The following KIF2A variants were observed in gnomAD, a reference collection of about 807,000 sequenced individuals.
KIF2A encodes the protein kinesin-like protein KIF2A.
A neutral mutation model predicts 100.2 loss-of-function variants in KIF2A; 22 were observed. That is an observed-to-expected ratio of 0.22 (90% CI 0.16 to 0.31). The LOEUF (loss-of-function observed/expected upper bound fraction) is 0.31. Ranked by LOEUF, KIF2A falls within the 10% of genes least tolerant of loss-of-function variation. KIF2A has a pLI of 1.00. For missense variants in KIF2A, 495 were observed against 898.7 expected, an observed-to-expected ratio of 0.55 and a Z score of 5.74; for synonymous variants, 268 against 285.9, an observed-to-expected ratio of 0.94 and a Z score of 0.63.
Position 62,350,089 on chromosome 5 carries a change from T to A in KIF2A, c.303T>A (p.Ile101=). The stretch of plus-strand genomic sequence containing the variant: ...AGAATCGACGGACTGTAGCTTCTAT[T>A]AAGAATGACCCTCCTTCAAGAGATA... The part of the protein sequence containing the change: ...IVKNRRTVAS[I]KNDPPSRDNR... The change falls in exon 4 of 21, where the codon ATT becomes ATA. Residue 101 remains isoleucine (I), a synonymous_variant. Coordinates refer to ENST00000407818, the MANE Select transcript of KIF2A (RefSeq NM_001098511.3). 6.3e-7 allele frequency: 1 copy of A among 1,590,020 alleles called. No homozygotes were observed. Among genetic ancestry groups the A allele is most frequent in the South Asian group, 1.2e-5 (1 of 85,984 alleles).
intron 1 of KIF2A, among the ~76,000 whole-genome samples, chr5:62,343,905 T>G (rs577383700): frequency 3.0e-4 from 46 of 152,342 alleles, no homozygotes; most frequent in Middle Eastern, 3.4e-3. Context: ...ATGCCTGGAC[T>G]TAAGACATAT....
intron 1 of KIF2A, among the ~76,000 whole-genome samples, chr5:62,338,923 G>C (rs538060679): frequency 4.5e-4 from 68 of 152,098 alleles, no homozygotes; most frequent in African/African-American, 1.6e-3. Flanking sequence ...ACAAAAACAG[G>C]CAAAACCTCA....
chr5:62,346,350 TCA>T (rs1580054205), intron 1 of KIF2A, among the ~76,000 whole-genome samples: 2 of 152,178 alleles, frequency 1.3e-5, no homozygotes, highest in African/African-American at 4.8e-5. Flanking sequence ...CTTTTTGGAA[TCA>T]CATTTCTTAA....
intron 1 of KIF2A, among the ~76,000 whole-genome samples, chr5:62,326,946 G>A (rs190955137): frequency 6.6e-4 from 101 of 152,270 alleles, no homozygotes; most frequent in African/African-American, 2.2e-3. Flanking sequence ...GCAGTGAGCC[G>A]AGATCCAGCC....
chr5:62,316,561 G>A (rs902500306), intron 1 of KIF2A, among the ~76,000 whole-genome samples: 5 of 152,172 alleles, frequency 3.3e-5, no homozygotes, highest in Admixed American at 2.0e-4. Flanking sequence ...AAATTATTCT[G>A]TATGATACTA....
chr5:62,363,601 G>GT (rs2111960190), intron 13 of KIF2A, 94 bp from the exon 14 acceptor site: 1 of 1,132,352 alleles, frequency 8.8e-7, no homozygotes, highest in East Asian at 2.4e-5. Context: ...CTAAATCGAT[G>GT]TTTTTGCTGC....
intron 19 of KIF2A, among the ~76,000 whole-genome samples, chr5:62,378,548 A>T (rs1160983681): frequency 6.6e-5 from 10 of 152,232 alleles, no homozygotes; most frequent in Non-Finnish European, 2.9e-5. Context: ...GCTCTAGGCC[A>T]TTCAAGAACC....
intron 19 of KIF2A, among the ~76,000 whole-genome samples, chr5:62,380,822 T>C (rs974561419): frequency 5.3e-5 from 8 of 152,108 alleles, no homozygotes; most frequent in Admixed American, 5.2e-4. Flanking sequence ...CTGGACCTGG[T>C]GTCTCAGGGC....
intron 1 of KIF2A, among the ~76,000 whole-genome samples, chr5:62,339,776 A>AAC (rs1254024929): frequency 5.3e-5 from 8 of 151,366 alleles, no homozygotes; most frequent in Non-Finnish European, 8.8e-5. Context: ...AAAAAAAAAA[A>AAC]ACACACAGGT....
At chr5:62,341,401 A>T (rs961827426) in intron 1 of KIF2A, among the ~76,000 whole-genome samples, 2 of 152,004 alleles carry the variant, frequency 1.3e-5, no homozygotes, top group Non-Finnish European at 2.9e-5. Flanking sequence ...CCTAGGCTCA[A>T]GCAATCCTCC....
chr5:62,378,676 G>C (rs1435413870), intron 19 of KIF2A, among the ~76,000 whole-genome samples: 2 of 152,300 alleles, frequency 1.3e-5, no homozygotes, highest in South Asian at 4.1e-4. Context: ...CCAGCACTGT[G>C]GGAGGCCCAG....
intron 1 of KIF2A, among the ~76,000 whole-genome samples, chr5:62,332,738 A>G (rs1746716885): frequency 6.6e-6 from 1 of 152,206 alleles, no homozygotes; most frequent in Admixed American, 6.5e-5. Context: ...AAATGTAACT[A>G]ACCACTGTGA....
At chr5:62,372,180 C>A (rs1228611637) in intron 16 of KIF2A, among the ~76,000 whole-genome samples, 1 of 151,968 alleles carries the variant, frequency 6.6e-6, no homozygotes, top group African/African-American at 2.4e-5. Context: ...AGTTAAACTT[C>A]TAGGAAGGAT....
intron 18 of KIF2A, 140 bp downstream of exon 18, chr5:62,373,977 CTGAG>C (rs1346415000): frequency 7.4e-6 from 5 of 675,910 alleles, no homozygotes; most frequent in South Asian, 5.6e-5. Flanking sequence ...ATTTGGGAGG[CTGAG>C]TGAGAGGACT....
Position 62,363,208 on chromosome 5 carries a change from T to C in KIF2A, c.1150T>C (p.Leu384=), listed in dbSNP as rs750618121. 4 of 1,611,018 alleles carry C rather than the reference T, an allele frequency of 2.5e-6. No individual in the cohort carries two copies. The South Asian group carries it at 4.4e-5, about 18-fold the overall frequency. The change falls in exon 13 of 21, where the codon TTA becomes CTA. Residue 384 remains leucine, a synonymous_variant. Coordinates refer to ENST00000407818, the MANE Select transcript of KIF2A (RefSeq NM_001098511.3). ...TGACTTGCTAAACAGGAAAACAAAA[T>C]TAAGAGTTCTAGAAGATGGAAAACA... The part of the protein sequence containing the change: ...VFDLLNRKTK[L]RVLEDGKQQV...
intron 1 of KIF2A, among the ~76,000 whole-genome samples, chr5:62,312,600 A>T (rs1036745266): frequency 6.6e-6 from 1 of 152,212 alleles, no homozygotes; most frequent in Non-Finnish European, 1.5e-5. Context: ...CCTTGGATAA[A>T]ACTAATTTTT....
chr5:62,339,799 T>A (rs1747191221), intron 1 of KIF2A, among the ~76,000 whole-genome samples: 1 of 151,166 alleles, frequency 6.6e-6, no homozygotes, highest in African/African-American at 2.4e-5. Flanking sequence ...TAAAATAGTG[T>A]TAATCCATGC....
At chr5:62,381,049 A>C in intron 19 of KIF2A, 69 bp from the exon 20 acceptor site, 4 of 1,148,118 alleles carry the variant, frequency 3.5e-6, no homozygotes, top group Non-Finnish European at 5.1e-6. Flanking sequence ...GATTATATTT[A>C]ACAGAATTGT....
intron 1 of KIF2A, among the ~76,000 whole-genome samples, chr5:62,329,426 A>G (rs1746532997): frequency 6.6e-6 from 1 of 152,216 alleles, no homozygotes. Context: ...TAGATTAGCT[A>G]ACACAACCTG....
Sources: gnomAD v4.1 joint callset for allele counts (sites outside exome capture counted in the v4.1 genomes callset) on GRCh38, gnomAD v4.1.1 for gene constraint, MANE v1.5 for transcripts, NCBI Gene and HGNC (gene_info 2026-07-23, HGNC 2026-07-21) for gene names.